The following RABGAP1L variants were observed in gnomAD, a reference collection of about 807,000 sequenced individuals.
The protein encoded by RABGAP1L is rab GTPase-activating protein 1-like.
A neutral mutation model predicts 137.7 loss-of-function variants in RABGAP1L; 63 were observed. The ratio of observed to expected loss-of-function variants is 0.46; its 90% CI spans 0.37 to 0.56. RABGAP1L has a LOEUF of 0.56. Among genes scored for constraint, RABGAP1L ranks in the 20% least tolerant of loss-of-function variants. The pLI is 0.00. For synonymous variants in RABGAP1L, 431 were observed against 433.7 expected (o/e 0.99, Z 0.08); for missense variants, 1,095 against 1,244.0 (o/e 0.88, Z 1.80).
intron 13 of RABGAP1L, among the ~76,000 whole-genome samples, chr1:174,511,652 C>A (rs1662354064): frequency 7.0e-6 from 1 of 142,758 alleles, no homozygotes; most frequent in South Asian, 2.2e-4. Context: ...GATGGAGTTT[C>A]ACTCTTGTTG....
intron 14 of RABGAP1L, among the ~76,000 whole-genome samples, chr1:174,680,878 C>A (rs1678013811): frequency 6.6e-6 from 1 of 151,994 alleles, no homozygotes; most frequent in South Asian, 2.1e-4. Context: ...CAGAGCCAGA[C>A]CCTGCCTCCA....
At chr1:174,615,079 G>C (rs915491343) in intron 13 of RABGAP1L, among the ~76,000 whole-genome samples, 3 of 152,146 alleles carry the variant, frequency 2.0e-5, no homozygotes, top group African/African-American at 7.2e-5. Context: ...CTCTCAACTC[G>C]TCAAAGTCAT....
chr1:174,383,455 A>C lies in RABGAP1L; in HGVS notation c.1560-10540A>C, dbSNP rs190464286. 4.5e-3 allele frequency among the ~76,000 whole-genome samples: 679 copies of C among 152,156 alleles called. 7 individuals carry two copies. The highest frequency in any genetic ancestry group is 3.4e-3 in the Middle Eastern group (1 of 294). On this transcript the variant is annotated intron_variant, in intron 12 of 25. Coordinates refer to ENST00000681986, the MANE Select transcript of RABGAP1L (RefSeq NM_001366446.1). ...GCAATCAGCGAGATTCCGTTGGCGT[A>C]GGACCCTCTGAGCCAGGTGTGGGAT...
At chr1:174,503,823 A>G (rs1006380762) in intron 13 of RABGAP1L, among the ~76,000 whole-genome samples, 3 of 152,062 alleles carry the variant, frequency 2.0e-5, no homozygotes, top group African/African-American at 7.2e-5. Context: ...AGACCTCTAC[A>G]CTGAAAACTA....
chr1:174,432,281 G>T (rs927043343), intron 13 of RABGAP1L, among the ~76,000 whole-genome samples: 2 of 152,130 alleles, frequency 1.3e-5, no homozygotes, highest in East Asian at 1.9e-4. Flanking sequence ...TCCTGCAAAA[G>T]ATATGATTTA....
chr1:174,926,460 C>T (rs1662860078), intron 19 of RABGAP1L, among the ~76,000 whole-genome samples: 1 of 152,220 alleles, frequency 6.6e-6, no homozygotes, highest in South Asian at 2.1e-4. Flanking sequence ...GAAAATTCTG[C>T]ATAGAGGTTT....
rs57288772 is a variant in RABGAP1L, at chr1:174,931,006, G to A, written c.2341-26451G>A. On this transcript the variant is annotated intron_variant, in intron 19 of 25. Transcript: ENST00000681986. Reference sequence around the variant, plus strand: ...AGTTTGGCTTTTAACCCCAAATGTAGTGGGATTTTTTTTTGTTATTTTAGC... The same window carrying A: ...AGTTTGGCTTTTAACCCCAAATGTAATGGGATTTTTTTTTGTTATTTTAGC... Among the ~76,000 whole-genome samples, 803 of 152,218 alleles carry A rather than the reference G, an allele frequency of 5.3e-3. 9 individuals are homozygous for A. Among genetic ancestry groups the A allele is most frequent in the African/African-American group, 0.018 (759 of 41,528 alleles).
intron 19 of RABGAP1L, among the ~76,000 whole-genome samples, chr1:174,908,359 C>T (rs1170133332): frequency 6.6e-6 from 1 of 152,150 alleles, no homozygotes; most frequent in African/African-American, 2.4e-5. Flanking sequence ...TTCTCTTCAT[C>T]AGCACATGGA....
chr1:174,849,070 CTCGCCCTGCT>C (rs1450152855), intron 19 of RABGAP1L, among the ~76,000 whole-genome samples: 1 of 152,230 alleles, frequency 6.6e-6, no homozygotes, highest in Non-Finnish European at 1.5e-5. Flanking sequence ...GAGGCAATGC[CTCGCCCTGCT>C]TCGGCTCGCG....
intron 11 of RABGAP1L, among the ~76,000 whole-genome samples, chr1:174,307,224 G>GT (rs1678364810): frequency 6.6e-6 from 1 of 152,120 alleles, no homozygotes; most frequent in South Asian, 2.1e-4. Context: ...ATTTGTACTT[G>GT]TAACTATGAC....
At chr1:174,920,011 G>A (rs1377120500) in intron 19 of RABGAP1L, among the ~76,000 whole-genome samples, 6 of 152,222 alleles carry the variant, frequency 3.9e-5, no homozygotes, top group Admixed American at 2.6e-4. Context: ...AAGCACTTTT[G>A]TGGATTATAA....
chr1:174,976,628 C>T (rs2149378365), intron 22 of RABGAP1L, among the ~76,000 whole-genome samples: 1 of 152,334 alleles, frequency 6.6e-6, no homozygotes, highest in South Asian at 2.1e-4. Flanking sequence ...CAATCAGTCA[C>T]ACTTCATTTT....
At position 174,330,162 on chromosome 1, in the gene RABGAP1L, C is replaced by T. The variant is rs139442090; in HGVS notation, c.1465+25035C>T. Among the ~76,000 whole-genome samples the T allele has an allele frequency of 1.3e-3, 195 of 152,210 alleles. 1 individual carries two copies. The highest frequency in any genetic ancestry group is 4.6e-3 in the African/African-American group (193 of 41,530). ...ATCTATACAGAAAACCCTAAAGACT[C>T]CACCAAAAACTCTTAGAACTAATAA... On this transcript the variant is annotated intron_variant, in intron 11 of 25. Transcript: ENST00000681986.
intron 19 of RABGAP1L, among the ~76,000 whole-genome samples, chr1:174,828,374 C>T (rs1030842279): frequency 2.7e-5 from 4 of 148,108 alleles, no homozygotes; most frequent in Non-Finnish European, 4.5e-5. Context: ...CTGTTACCTG[C>T]AAGACAATCC....
chr1:174,388,068 G>A (rs962481054), intron 12 of RABGAP1L, among the ~76,000 whole-genome samples: 1 of 152,018 alleles, frequency 6.6e-6, no homozygotes, highest in Non-Finnish European at 1.5e-5. Context: ...GGGAAAAATA[G>A]GTAGGCATTT....
intron 11 of RABGAP1L, among the ~76,000 whole-genome samples, chr1:174,366,502 G>A (rs1684619237): frequency 6.6e-6 from 1 of 152,078 alleles, no homozygotes. Context: ...GGGCACGGTG[G>A]CTCATGCCTG....
chr1:174,971,447 C>A (rs892125373), intron 21 of RABGAP1L, among the ~76,000 whole-genome samples: 2 of 152,152 alleles, frequency 1.3e-5, no homozygotes, highest in South Asian at 2.1e-4. Flanking sequence ...TAGAACAGCC[C>A]CTGAAGAAAA....
At chr1:174,352,150 A>G (rs547115495) in intron 11 of RABGAP1L, among the ~76,000 whole-genome samples, 1 of 152,242 alleles carries the variant, frequency 6.6e-6, no homozygotes, top group East Asian at 1.9e-4. Context: ...ACATTCTGCA[A>G]CTGATCTCTC....
At chr1:174,687,759 C>T (rs1215535043) in intron 15 of RABGAP1L, among the ~76,000 whole-genome samples, 1 of 152,216 alleles carries the variant, frequency 6.6e-6, no homozygotes, top group African/African-American at 2.4e-5. Flanking sequence ...ATATTAATCA[C>T]TGTGAGAGCC....
Sources: allele counts gnomAD v4.1 joint callset (sites outside exome capture counted in the v4.1 genomes callset), GRCh38; gene constraint gnomAD v4.1.1; transcripts MANE v1.5; gene names NCBI Gene and HGNC (gene_info 2026-07-23, HGNC 2026-07-21).